ANKRD26: variants seen among roughly 807,000 people sequenced by gnomAD.
ANKRD26 encodes ankyrin repeat domain-containing protein 26.
Under a neutral mutation model 208.7 loss-of-function variants are expected in ANKRD26, and 141 were observed. That is an observed-to-expected ratio of 0.68 (90% CI 0.59 to 0.78). The LOEUF (loss-of-function observed/expected upper bound fraction) is 0.78, where lower values mean the gene tolerates loss of function less well. Among genes scored for constraint, ANKRD26 ranks in the 30% least tolerant of loss-of-function variants. The pLI is 0.00. For missense variants in ANKRD26, 1,889 were observed against 1,938.7 expected, an observed-to-expected ratio of 0.97 and a Z score of 0.48; for synonymous variants, 636 against 660.4, an observed-to-expected ratio of 0.96 and a Z score of 0.57.
At chr10:27,030,691 G>A in intron 25 of ANKRD26, 4 of 648,680 alleles carry the variant, frequency 6.2e-6, no homozygotes, top group Non-Finnish European at 7.6e-6. Flanking sequence ...TAGATTAAGT[G>A]GTTTCTACTT....
chr10:27,046,244 T>G (rs1342131473), intron 18 of ANKRD26, 109 bp downstream of exon 18: 9 of 1,132,108 alleles, frequency 7.9e-6, no homozygotes, highest in Non-Finnish European at 1.2e-5. Context: ...TTCAGCAGCA[T>G]GGAAACAGTC....
intron 15 of ANKRD26, among the ~76,000 whole-genome samples, chr10:27,059,598 G>A (rs974700735): frequency 1.3e-5 from 2 of 152,132 alleles, no homozygotes; most frequent in African/African-American, 2.4e-5. Context: ...AAAAGACTAT[G>A]TCTACCAAAT....
At chr10:26,993,659 T>A (rs924035848) in intron 5 of ANKRD26, among the ~76,000 whole-genome samples, 4 of 152,182 alleles carry the variant, frequency 2.6e-5, no homozygotes, top group Non-Finnish European at 5.9e-5. Flanking sequence ...TGCTCTTAAG[T>A]GTATTTTCAA....
the ANKRD26 span, among the ~76,000 whole-genome samples, chr10:26,957,471 ACT>A: frequency 6.6e-6 from 1 of 152,368 alleles, no homozygotes; most frequent in South Asian, 2.1e-4. Context: ...AAGTTGTACA[ACT>A]ACTACAGTAG....
At chr10:26,985,906 T>G (rs1024631551) in intron 3 of ANKRD26, among the ~76,000 whole-genome samples, 6 of 152,152 alleles carry the variant, frequency 3.9e-5, no homozygotes, top group African/African-American at 1.4e-4. Flanking sequence ...AATGACTTTC[T>G]TCACAGAATT....
chr10:27,005,756 C>T, intron 33 of ANKRD26, 33 bp from the exon 34 acceptor site: 1 of 1,585,152 alleles, frequency 6.3e-7, no homozygotes, highest in Non-Finnish European at 8.6e-7. Flanking sequence ...ATATTCCTTA[C>T]CTAAAAGATT....
intron 7 of ANKRD26, among the ~76,000 whole-genome samples, chr10:27,077,992 G>A (rs897790571): frequency 6.6e-6 from 1 of 152,064 alleles, no homozygotes; most frequent in Non-Finnish European, 1.5e-5. Flanking sequence ...AGCCTAAAAT[G>A]AAAATTTTTT....
intron 30 of ANKRD26, among the ~76,000 whole-genome samples, chr10:27,016,449 T>A (rs1392120383): frequency 2.0e-5 from 3 of 152,208 alleles, no homozygotes; most frequent in Non-Finnish European, 2.9e-5. Context: ...ATTATTTTTT[T>A]AAATTTTTTA....
chr10:27,064,491 A>AT (rs1376456046), intron 11 of ANKRD26, among the ~76,000 whole-genome samples: 1 of 152,210 alleles, frequency 6.6e-6, no homozygotes, highest in African/African-American at 2.4e-5. Flanking sequence ...GGGAAAAAAA[A>AT]GTGTATTTTA....
chr10:26,987,217 G>A (rs2052404387), downstream of ANKRD26, among the ~76,000 whole-genome samples: 1 of 152,074 alleles, frequency 6.6e-6, no homozygotes, highest in South Asian at 2.1e-4. Context: ...ACTCATAGGT[G>A]AGAATTGAAC....
intron 15 of ANKRD26, among the ~76,000 whole-genome samples, chr10:27,059,633 G>A (rs116883759): frequency 0.025 from 3,832 of 152,184 alleles, 75 homozygotes; most frequent in Non-Finnish European, 0.043. Flanking sequence ...ATTACTGTCC[G>A]GGCATGGTGG....
At chr10:26,986,470 A>C (rs2052389388) in intron 3 of ANKRD26, among the ~76,000 whole-genome samples, 1 of 152,196 alleles carries the variant, frequency 6.6e-6, no homozygotes, top group South Asian at 2.1e-4. Context: ...AGCAAAAGAA[A>C]CTACCATCAG....
At chr10:27,058,993 C>A (rs2054947647) in intron 15 of ANKRD26, among the ~76,000 whole-genome samples, 1 of 151,756 alleles carries the variant, frequency 6.6e-6, no homozygotes. Context: ...TGGCTCACTG[C>A]AAACTCCACC....
chr10:27,050,747 C>T (rs1589285334), intron 16 of ANKRD26, among the ~76,000 whole-genome samples: 1 of 152,110 alleles, frequency 6.6e-6, no homozygotes, highest in Admixed American at 6.6e-5. Flanking sequence ...GCACTTATTA[C>T]CTTTCATAAG....
At chr10:26,960,538 G>C in the ANKRD26 span, among the ~76,000 whole-genome samples, 70 of 152,294 alleles carry the variant, frequency 4.6e-4, 2 homozygotes, top group South Asian at 0.014. Flanking sequence ...GCCAGGCTCT[G>C]CCCAAATTTC....
chr10:27,033,845 CTTAGAGGCCCT>C (rs759684341), intron 24 of ANKRD26, among the ~76,000 whole-genome samples: 5 of 152,252 alleles, frequency 3.3e-5, no homozygotes, highest in Admixed American at 6.5e-5. Flanking sequence ...TTCCAATGGC[CTTAGAGGCCCT>C]AGGTAACCTG....
At chr10:26,993,567 T>C (rs1279798381) in intron 5 of ANKRD26, among the ~76,000 whole-genome samples, 1 of 152,218 alleles carries the variant, frequency 6.6e-6, no homozygotes, top group Non-Finnish European at 1.5e-5. Context: ...GGTTACCAAC[T>C]TCTCTATTAG....
the ANKRD26 span, among the ~76,000 whole-genome samples, chr10:26,968,483 C>T: frequency 6.6e-6 from 1 of 152,218 alleles, no homozygotes; most frequent in Admixed American, 6.5e-5. Flanking sequence ...CTCCATGTAA[C>T]TTCATGGTAA....
chr10:27,077,305 T>C, intron 9 of ANKRD26, 33 bp downstream of exon 9: 2 of 1,522,726 alleles, frequency 1.3e-6, no homozygotes, highest in Non-Finnish European at 1.8e-6. Context: ...AGGGGAAGGG[T>C]ACATGAAAAA....
Sources: gnomAD v4.1 joint callset for allele counts (sites outside exome capture counted in the v4.1 genomes callset) on GRCh38, gnomAD v4.1.1 for gene constraint, MANE v1.5 for transcripts, NCBI Gene and HGNC (gene_info 2026-07-23, HGNC 2026-07-21) for gene names.